Variants in BMPR1A observed in about 807,000 individuals in gnomAD.
The protein encoded by BMPR1A is bone morphogenetic protein receptor type-1A.
In BMPR1A, 7 loss-of-function variants were observed where a neutral mutation model predicts 66.0. That is an observed-to-expected ratio of 0.11 (90% CI 0.06 to 0.20). The LOEUF (loss-of-function observed/expected upper bound fraction) is 0.20, where lower values mean the gene tolerates loss of function less well. BMPR1A is among the 10% of genes least tolerant of loss of function. The pLI, the probability that BMPR1A is intolerant of heterozygous loss-of-function variation, is 1.00. For synonymous variants in BMPR1A, 200 were observed against 229.7 expected, an observed-to-expected ratio of 0.87 and a Z score of 1.17; for missense variants, 408 against 669.1, an observed-to-expected ratio of 0.61 and a Z score of 4.31.
chr10:86,792,949 C>G (rs1841649450), intron 1 of BMPR1A, among the ~76,000 whole-genome samples: 1 of 152,086 alleles, frequency 6.6e-6, no homozygotes, highest in Non-Finnish European at 1.5e-5. Flanking sequence ...ATTATTATGT[C>G]TAGTGCAGCT....
chr10:86,831,351 GAT>G (rs1217482597), intron 1 of BMPR1A, among the ~76,000 whole-genome samples: 2 of 152,104 alleles, frequency 1.3e-5, no homozygotes, highest in African/African-American at 4.8e-5. Context: ...TATATAAAAA[GAT>G]ATATCTCATT....
At chr10:86,811,434 T>G (rs775415768) in intron 1 of BMPR1A, among the ~76,000 whole-genome samples, 17 of 152,352 alleles carry the variant, frequency 1.1e-4, no homozygotes, top group South Asian at 4.1e-4. Context: ...CTTCTAAGTC[T>G]GTTTTAATGG....
chr10:86,756,209 G>GGCAGCCGTAGCA (rs1847857386), upstream of BMPR1A: 2 of 152,034 alleles, frequency 1.3e-5, no homozygotes, highest in East Asian at 3.9e-4. Flanking sequence ...TGGCCGCAGC[G>GGCAGCCGTAGCA]CCCGGCAGCC....
At chr10:86,839,060 T>C (rs1564699919) in intron 2 of BMPR1A, 81 bp downstream of exon 2, 1 of 152,180 alleles carries the variant, frequency 6.6e-6, no homozygotes, top group Non-Finnish European at 1.5e-5. Context: ...ACACTGCAAC[T>C]TTATTTGAGC....
chr10:86,835,840 G>T (rs1434597996), intron 1 of BMPR1A, among the ~76,000 whole-genome samples: 2 of 152,102 alleles, frequency 1.3e-5, no homozygotes, highest in East Asian at 1.9e-4. Context: ...GACAAGAAAA[G>T]ATGTTTTGTA....
intron 2 of BMPR1A, among the ~76,000 whole-genome samples, chr10:86,867,638 G>A (rs1842802580): frequency 6.6e-6 from 1 of 152,194 alleles, no homozygotes; most frequent in Non-Finnish European, 1.5e-5. Context: ...AAAAGCTTTG[G>A]AGAAACTAGG....
intron 2 of BMPR1A, among the ~76,000 whole-genome samples, chr10:86,875,229 C>T (rs186442354): frequency 0.01 from 1,587 of 151,836 alleles, 26 homozygotes; most frequent in African/African-American, 0.036. Context: ...AAAAATTAGC[C>T]GAGTGTGGTG....
intron 1 of BMPR1A, among the ~76,000 whole-genome samples, chr10:86,835,274 A>AT (rs1564698829): frequency 6.6e-6 from 1 of 150,936 alleles, no homozygotes; most frequent in African/African-American, 2.4e-5. Flanking sequence ...CAGAAAAAAA[A>AT]CAAACAAGTG....
chr10:86,767,902 A>G (rs1208735480), intron 1 of BMPR1A, among the ~76,000 whole-genome samples: 1 of 152,160 alleles, frequency 6.6e-6, no homozygotes, highest in Non-Finnish European at 1.5e-5. Flanking sequence ...GTTATAAACT[A>G]TCCTATGTCC....
chr10:86,902,957 G>A (rs2133476681), intron 7 of BMPR1A, among the ~76,000 whole-genome samples: 1 of 152,298 alleles, frequency 6.6e-6, no homozygotes, highest in Non-Finnish European at 1.5e-5. Context: ...TTTGGTTGAA[G>A]GACTCAGGAG....
Position 86,840,433 on chromosome 10 carries a change from C to A in BMPR1A, c.-153+1454C>A, listed in dbSNP as rs185125871. ...TCTATGATTGTGTGCTCTTCTGATTCTACTTATTTAATTACTCCTTGACCT... is the reference window on the plus strand; with the variant it reads ...TCTATGATTGTGTGCTCTTCTGATTATACTTATTTAATTACTCCTTGACCT... On this transcript the variant is annotated intron_variant, in intron 2 of 12. Coordinates refer to ENST00000372037, the MANE Select transcript of BMPR1A (RefSeq NM_004329.3). 4.6e-5 allele frequency among the ~76,000 whole-genome samples: 7 copies of A among 152,184 alleles called. No homozygotes were observed. The East Asian group carries it at 1.4e-3, about 29-fold the overall frequency.
At chr10:86,854,201 C>CG (rs1267135362) in intron 2 of BMPR1A, among the ~76,000 whole-genome samples, 1 of 152,180 alleles carries the variant, frequency 6.6e-6, no homozygotes, top group African/African-American at 2.4e-5. Flanking sequence ...CCCGGCTCAC[C>CG]GGCGGTCAGA....
intron 7 of BMPR1A, among the ~76,000 whole-genome samples, chr10:86,900,890 A>C (rs1239846749): frequency 6.6e-6 from 1 of 152,220 alleles, no homozygotes; most frequent in Non-Finnish European, 1.5e-5. Flanking sequence ...CCATCATCCC[A>C]AATGGCCCCC....
intron 1 of BMPR1A, among the ~76,000 whole-genome samples, chr10:86,770,769 T>C (rs533576186): frequency 6.6e-6 from 1 of 152,342 alleles, no homozygotes; most frequent in Admixed American, 6.5e-5. Flanking sequence ...TAGGAACTTT[T>C]CAAGATCTCC....
At chr10:86,764,445 CTTTTA>C (rs982869177) in intron 1 of BMPR1A, among the ~76,000 whole-genome samples, 1 of 152,074 alleles carries the variant, frequency 6.6e-6, no homozygotes, top group Non-Finnish European at 1.5e-5. Flanking sequence ...ATTTTATAAT[CTTTTA>C]TTTAATAAAA....
intron 1 of BMPR1A, among the ~76,000 whole-genome samples, chr10:86,826,558 C>T (rs896471414): frequency 1.3e-5 from 2 of 152,054 alleles, no homozygotes; most frequent in Non-Finnish European, 2.9e-5. Flanking sequence ...TTTTCCTTTT[C>T]TTATATAAGC....
At chr10:86,903,968 A>G (rs541878036) in intron 7 of BMPR1A, among the ~76,000 whole-genome samples, 2 of 152,258 alleles carry the variant, frequency 1.3e-5, no homozygotes, top group South Asian at 4.2e-4. Context: ...CAGTGGTGCA[A>G]TCTCAGCTCT....
rs934890237 is a variant in BMPR1A, at chr10:86,915,117, G to C, written c.676-2017G>C. 2.6e-5 allele frequency among the ~76,000 whole-genome samples: 4 copies of C among 152,236 alleles called. No individual in the cohort carries two copies. In the East Asian group the frequency reaches 7.7e-4, roughly 29 times the overall value. On this transcript the variant is annotated intron_variant, in intron 8 of 12. Transcript: ENST00000372037. ...ACATGAAAGAAGCCAGACACAAAAG[G>C]CTACACAAAAGTGATTCTCCTGCCT...
chr10:86,860,075 G>A (rs1415084139), intron 2 of BMPR1A, among the ~76,000 whole-genome samples: 3 of 152,154 alleles, frequency 2.0e-5, no homozygotes, highest in Admixed American at 6.6e-5. Context: ...TCGGGAGGCC[G>A]AAGCAGTGCA....
Sources: gnomAD v4.1 joint callset for allele counts (sites outside exome capture counted in the v4.1 genomes callset) on GRCh38, gnomAD v4.1.1 for gene constraint, MANE v1.5 for transcripts, NCBI Gene and HGNC (gene_info 2026-07-23, HGNC 2026-07-21) for gene names.